The following PLEKHM2 variants were observed in gnomAD, a reference collection of about 807,000 sequenced individuals.
PLEKHM2 encodes the protein pleckstrin homology and RUN domain containing M2.
In PLEKHM2, 77 loss-of-function variants were observed where a neutral mutation model predicts 116.3. That is an observed-to-expected ratio of 0.66 (90% CI 0.55 to 0.80). The LOEUF (loss-of-function observed/expected upper bound fraction) is 0.80, where lower values mean the gene tolerates loss of function less well. Ranked by LOEUF, PLEKHM2 falls within the 30% of genes least tolerant of loss-of-function variation. PLEKHM2 has a pLI of 0.00. For synonymous variants in PLEKHM2, 562 were observed against 571.0 expected (o/e 0.98, Z 0.22); for missense variants, 1,183 against 1,354.9 (o/e 0.87, Z 1.99).
chr1:15,705,504 G>A (rs1641208152), intron 1 of PLEKHM2, among the ~76,000 whole-genome samples: 1 of 152,068 alleles, frequency 6.6e-6, no homozygotes, highest in Non-Finnish European at 1.5e-5. Flanking sequence ...TCGGATAGGT[G>A]TTCTGAACTT....
intron 16 of PLEKHM2, among the ~76,000 whole-genome samples, 172 bp from the exon 17 acceptor site, chr1:15,731,717 C>G (rs757325681): frequency 3.3e-5 from 5 of 152,116 alleles, no homozygotes; most frequent in Non-Finnish European, 7.4e-5. Flanking sequence ...GTGGGTGGGG[C>G]TCCCAGACCT....
intron 1 of PLEKHM2, among the ~76,000 whole-genome samples, chr1:15,695,288 A>G (rs1640971693): frequency 6.6e-6 from 1 of 152,204 alleles, no homozygotes; most frequent in Non-Finnish European, 1.5e-5. Context: ...TTAATTTTTG[A>G]GGGTAATCAA....
intron 1 of PLEKHM2, among the ~76,000 whole-genome samples, chr1:15,710,418 C>G (rs901033791): frequency 2.0e-5 from 3 of 151,534 alleles, no homozygotes; most frequent in Admixed American, 6.6e-5. Flanking sequence ...ACCTCCAACT[C>G]CCGAGTTCAA....
At chr1:15,720,617 C>T (rs1405656410) in intron 6 of PLEKHM2, 1 of 305,854 alleles carries the variant, frequency 3.3e-6, no homozygotes, top group African/African-American at 2.3e-5. Context: ...CAGAGCCCTT[C>T]ATTTACTTCA....
At chr1:15,687,440 C>T (rs1640796893) in intron 1 of PLEKHM2, among the ~76,000 whole-genome samples, 1 of 152,178 alleles carries the variant, frequency 6.6e-6, no homozygotes, top group South Asian at 2.1e-4. Context: ...TCCCAAAGTG[C>T]TGGGATTACA....
chr1:15,721,441 C>A lies in PLEKHM2; in HGVS notation c.712+53C>A. ...TTTCCTGTTTTGCAATGTTTCCATG[C>A]CAAGCTTGCTGCATGTATCAAATCA... On this transcript the variant is annotated intron_variant, in intron 7 of 19. Transcript: ENST00000375799. The surrounding 1 kb of genome is among the most constrained non-coding windows in gnomAD (Gnocchi z 5.1). 9.1e-7 allele frequency: 1 copy of A among 1,097,376 alleles called. No homozygotes were observed. The highest frequency in any genetic ancestry group is 1.4e-6 in the Non-Finnish European group (1 of 736,572). The allele number at this position is 1,097,376 out of a possible 1,614,324, so 68.0% of individuals were successfully genotyped here.
chr1:15,706,838 C>T (rs947378579), intron 1 of PLEKHM2, among the ~76,000 whole-genome samples: 5 of 152,282 alleles, frequency 3.3e-5, no homozygotes, highest in East Asian at 1.9e-4. Context: ...TCTCTGCCAC[C>T]GTGTCTGATA....
intron 1 of PLEKHM2, among the ~76,000 whole-genome samples, chr1:15,703,088 C>G (rs1388787011): frequency 6.6e-6 from 1 of 152,188 alleles, no homozygotes; most frequent in East Asian, 1.9e-4. Flanking sequence ...CCTGCTGAGG[C>G]TCTTCCAAAC....
chr1:15,718,410 C>G (rs902583650), intron 4 of PLEKHM2, 128 bp from the exon 5 acceptor site: 2 of 662,082 alleles, frequency 3.0e-6, no homozygotes, highest in Non-Finnish European at 5.5e-6. Flanking sequence ...ACAGCTATAT[C>G]AAGCTGGGTG....
chr1:15,688,058 A>T (rs908625923), intron 1 of PLEKHM2, among the ~76,000 whole-genome samples: 3 of 146,704 alleles, frequency 2.0e-5, no homozygotes, highest in African/African-American at 7.3e-5. Flanking sequence ...ACAAAGTGAA[A>T]ACACCTGCAT....
rs1641477735 is a variant in PLEKHM2, at chr1:15,717,874, C to T, written c.278-19C>T. The T allele has an allele frequency of 3.3e-6, 5 of 1,534,202 alleles. No homozygotes were observed. Among genetic ancestry groups the T allele is most frequent in the East Asian group, 4.7e-5 (2 of 42,522 alleles). ...GTCTGAGAGGCCTTCCTGCCGGTTACTCCTGCCTTTGTTTGCAGGCCGTGC... is the reference window on the plus strand; with the variant it reads ...GTCTGAGAGGCCTTCCTGCCGGTTATTCCTGCCTTTGTTTGCAGGCCGTGC... On this transcript the variant is annotated intron_variant, in intron 3 of 19. Coordinates refer to ENST00000375799, the MANE Select transcript of PLEKHM2 (RefSeq NM_015164.4).
At chr1:15,716,681 C>G in intron 2 of PLEKHM2, 26 bp from the exon 3 acceptor site, 1 of 1,553,366 alleles carries the variant, frequency 6.4e-7, no homozygotes, top group Non-Finnish European at 8.7e-7. Context: ...ATGCAGGTCA[C>G]AGCAGCTCCT....
Position 15,728,170 on chromosome 1 carries a change from G to T in PLEKHM2, c.1830+22G>T. 2 of 1,608,668 alleles carry T rather than the reference G, an allele frequency of 1.2e-6. No individual in the cohort carries two copies. Among genetic ancestry groups the T allele is most frequent in the Admixed American group, 1.7e-5 (1 of 59,564 alleles). On this transcript the variant is annotated intron_variant, in intron 10 of 19. Coordinates refer to ENST00000375799, the MANE Select transcript of PLEKHM2 (RefSeq NM_015164.4). The surrounding 1 kb of genome is among the most constrained non-coding windows in gnomAD (Gnocchi z 5.9). ...CAAAGTAAGTCCTAGGAACTCAGGA[G>T]TGAGCAAGAGACGGCAAGGGCAAGG...
intron 19 of PLEKHM2, among the ~76,000 whole-genome samples, chr1:15,732,960 G>A (rs189422716): frequency 3.3e-5 from 5 of 152,370 alleles, no homozygotes; most frequent in Admixed American, 3.3e-4. Flanking sequence ...GCACAAGCCT[G>A]CCAGGCTGGG....
At position 15,727,683 on chromosome 1, in the gene PLEKHM2, G is replaced by A; in HGVS notation, c.1611G>A (p.Gly537=). The A allele has an allele frequency of 6.3e-7, 1 of 1,594,754 alleles. No homozygotes were observed. The highest frequency in any genetic ancestry group is 8.5e-7 in the Non-Finnish European group (1 of 1,171,530). ...CCCAGCTGTCCCTGGTCAGGGAGGG[G>A]CCTGTGTCTGAGCCAGAGCCTGGGA... ...LEAQLSLVRE[G]PVSEPEPGTQ... The change falls in exon 9 of 20, where the codon GGG becomes GGA. Residue 537 remains glycine (G), a synonymous_variant. Transcript: ENST00000375799. This position sits in a 1 kb window ranked among gnomAD's most constrained non-coding sequence, Gnocchi z 7.5.
rs1281335178 is a variant in PLEKHM2 at position 15,729,122 on chromosome 1, G to A, written c.2007G>A (p.Thr669=). 1.2e-6 allele frequency: 2 copies of A among 1,610,658 alleles called. No individual in the cohort carries two copies. Among genetic ancestry groups the A allele is most frequent in the Non-Finnish European group, 1.7e-6 (2 of 1,178,614 alleles). Residue 669 remains threonine, a synonymous_variant, in exon 13 of 20, where the codon ACG becomes ACA. Coordinates refer to ENST00000375799, the MANE Select transcript of PLEKHM2 (RefSeq NM_015164.4). The surrounding 1 kb of genome is among the most constrained non-coding windows in gnomAD (Gnocchi z 4.7). ...DYVSVGLDQQ[T]VKLVCTNRRK... ...GGCAGGTTGGCCTTGACCAGCAGACGGTGAAGCTGGTGTGCACCAACCGCA... is the reference window on the plus strand; with the variant it reads ...GGCAGGTTGGCCTTGACCAGCAGACAGTGAAGCTGGTGTGCACCAACCGCA...
intron 1 of PLEKHM2, among the ~76,000 whole-genome samples, chr1:15,709,344 G>C (rs186246513): frequency 1.5e-3 from 227 of 152,300 alleles, no homozygotes; most frequent in African/African-American, 5.4e-3. Flanking sequence ...TTCCACTCCT[G>C]TTCTTTCAGA....
intron 8 of PLEKHM2, among the ~76,000 whole-genome samples, chr1:15,726,663 G>A (rs1370450969): frequency 6.6e-6 from 1 of 152,198 alleles, no homozygotes; most frequent in Non-Finnish European, 1.5e-5. Context: ...TGAGTGGAGG[G>A]GGCATTGCCT....
chr1:15,703,824 G>C (rs180780305), intron 1 of PLEKHM2, among the ~76,000 whole-genome samples: 14 of 152,252 alleles, frequency 9.2e-5, no homozygotes, highest in African/African-American at 3.4e-4. Flanking sequence ...TTCCCAGAGC[G>C]CCTGGGAGCC....
Sources: gnomAD v4.1 joint callset for allele counts (sites outside exome capture counted in the v4.1 genomes callset) on GRCh38, gnomAD v4.1.1 for gene constraint, Gnocchi (gnomAD v3.1) non-coding constraint, MANE v1.5 for transcripts, NCBI Gene and HGNC (gene_info 2026-07-23, HGNC 2026-07-21) for gene names.